PCDH7: variants seen among roughly 807,000 people sequenced by gnomAD.
PCDH7 encodes the protein protocadherin 7.
In PCDH7, 17 loss-of-function variants were observed where a neutral mutation model predicts 58.9. The ratio of observed to expected loss-of-function variants is 0.29; its 90% CI spans 0.20 to 0.43. The LOEUF is 0.43. Ranked by LOEUF, PCDH7 falls within the 20% of genes least tolerant of loss-of-function variation. PCDH7 has a pLI of 1.00. For missense variants in PCDH7, 1,274 were observed against 1,441.0 expected (o/e 0.88, Z 1.88); for synonymous variants, 664 against 616.4 (o/e 1.08, Z -1.14).
chr4:30,999,594 G>A (rs1235149139), intron 3 of PCDH7, among the ~76,000 whole-genome samples: 1 of 152,072 alleles, frequency 6.6e-6, no homozygotes, highest in African/African-American at 2.4e-5. Context: ...GTTACTAAGG[G>A]AGTGCAGAAA....
chr4:31,127,298 A>C (rs1718425733), intron 3 of PCDH7, among the ~76,000 whole-genome samples: 1 of 152,162 alleles, frequency 6.6e-6, no homozygotes, highest in African/African-American at 2.4e-5. Context: ...CATTCTAATT[A>C]CACTCCTGAT....
chr4:31,027,715 C>T (rs985485863), intron 3 of PCDH7, among the ~76,000 whole-genome samples: 5 of 152,256 alleles, frequency 3.3e-5, no homozygotes, highest in Middle Eastern at 6.8e-3. Context: ...GCTACTGCAC[C>T]CAGCCTGTAT....
At chr4:30,876,318 G>T (rs1414535254) in intron 1 of PCDH7, among the ~76,000 whole-genome samples, 1 of 151,332 alleles carries the variant, frequency 6.6e-6, no homozygotes, top group Non-Finnish European at 1.5e-5. Flanking sequence ...ATTTATTTGG[G>T]GCTTAACGTA....
chr4:30,739,889 T>A (rs1716841783), intron 1 of PCDH7, among the ~76,000 whole-genome samples: 1 of 152,196 alleles, frequency 6.6e-6, no homozygotes, highest in Non-Finnish European at 1.5e-5. Context: ...TCAGTTTTAG[T>A]GTTGTAATAT....
chr4:30,803,650 G>A (rs909964611), intron 1 of PCDH7, among the ~76,000 whole-genome samples: 2 of 152,276 alleles, frequency 1.3e-5, no homozygotes, highest in South Asian at 4.2e-4. Flanking sequence ...TGTTACCCAG[G>A]CTGGCCTTGA....
intron 3 of PCDH7, among the ~76,000 whole-genome samples, chr4:31,112,989 C>G (rs948211337): frequency 2.0e-5 from 3 of 152,098 alleles, no homozygotes; most frequent in African/African-American, 7.2e-5. Flanking sequence ...TAGATGAAAG[C>G]TGATTCATTT....
chr4:30,973,941 C>T (rs935652366), intron 3 of PCDH7, among the ~76,000 whole-genome samples: 6 of 151,792 alleles, frequency 4.0e-5, no homozygotes, highest in Admixed American at 6.6e-5. Flanking sequence ...AAAAACTAAA[C>T]TTTAAAAAAT....
intron 3 of PCDH7, among the ~76,000 whole-genome samples, chr4:31,016,025 G>A (rs1753576083): frequency 6.6e-6 from 1 of 152,184 alleles, no homozygotes; most frequent in African/African-American, 2.4e-5. Context: ...AATGGCGGAT[G>A]AGTTTAATAT....
At chr4:31,052,611 A>G (rs1756845888) in intron 3 of PCDH7, among the ~76,000 whole-genome samples, 5 of 152,188 alleles carry the variant, frequency 3.3e-5, no homozygotes, top group Admixed American at 3.3e-4. Flanking sequence ...AAATAAAAAT[A>G]TAGTAAGTGA....
At chr4:31,077,306 G>A (rs1759082898) in intron 3 of PCDH7, among the ~76,000 whole-genome samples, 1 of 151,664 alleles carries the variant, frequency 6.6e-6, no homozygotes, top group South Asian at 2.1e-4. Context: ...CTACTCAGGA[G>A]GCTGAGGCAA....
At chr4:30,735,363 G>T (rs909895791), downstream of PCDH7, among the ~76,000 whole-genome samples, 2 of 152,108 alleles carry the variant, frequency 1.3e-5, no homozygotes, top group African/African-American at 4.8e-5. Flanking sequence ...GTGAGGCGGG[G>T]CATATCTTGG....
chr4:30,848,068 T>C (rs1261610556), intron 1 of PCDH7, among the ~76,000 whole-genome samples: 2 of 152,204 alleles, frequency 1.3e-5, no homozygotes, highest in African/African-American at 2.4e-5. Context: ...GGATTATTTA[T>C]GTAAATGGAT....
intron 3 of PCDH7, among the ~76,000 whole-genome samples, chr4:31,038,375 T>C (rs1489779946): frequency 1.3e-5 from 2 of 152,166 alleles, no homozygotes; most frequent in African/African-American, 2.4e-5. Flanking sequence ...TTTATTGAAA[T>C]ATACTATTAG....
At chr4:31,095,256 G>A (rs1713810578) in intron 3 of PCDH7, among the ~76,000 whole-genome samples, 1 of 151,832 alleles carries the variant, frequency 6.6e-6, no homozygotes, top group African/African-American at 2.4e-5. Flanking sequence ...ATATTTCTTT[G>A]ATCTAGTGAG....
chr4:30,920,938 G>A (rs1743112465), intron 2 of PCDH7, among the ~76,000 whole-genome samples: 2 of 151,130 alleles, frequency 1.3e-5, no homozygotes, highest in South Asian at 4.2e-4. Flanking sequence ...CAAGTATAAG[G>A]TTTTTTTTTA....
chr4:30,754,757 A>T (rs967834741), intron 1 of PCDH7, among the ~76,000 whole-genome samples: 1 of 29,846 alleles, frequency 3.4e-5, no homozygotes, highest in Admixed American at 5.4e-4. Context: ...TTAGAAACTT[A>T]TATGTACTTT....
At chr4:30,922,634 C>T (rs933748000) in intron 2 of PCDH7, among the ~76,000 whole-genome samples, 4 of 152,138 alleles carry the variant, frequency 2.6e-5, no homozygotes, top group Non-Finnish European at 4.4e-5. Context: ...TTCCAAAAAA[C>T]GACTTTTAAT....
chr4:30,722,188 A>C lies in PCDH7; in HGVS notation c.766A>C (p.Lys256Gln). 6.4e-7 allele frequency: 1 copy of C among 1,565,576 alleles called. No homozygotes were observed. Among genetic ancestry groups the C allele is most frequent in the South Asian group, 1.2e-5 (1 of 86,050 alleles). ...GGTGGCGGACACCCCGGACGGCGAGAAGCAGCCGCAGCTGATCGTGAAGGG... is the reference window on the plus strand; with the variant it reads ...GGTGGCGGACACCCCGGACGGCGAGCAGCAGCCGCAGCTGATCGTGAAGGG... The change falls in exon 1 of 2, where the codon AAG becomes CAG. Residue 256 changes from lysine (K) to glutamine (Q), a missense_variant. This residue lies in a region of PCDH7 where 331 missense variants were observed against 303.2 expected (regional missense o/e 1.09). Transcript: ENST00000361762. This position sits in a 1 kb window ranked among gnomAD's most constrained non-coding sequence, Gnocchi z 7.6.
intron 1 of PCDH7, among the ~76,000 whole-genome samples, chr4:30,770,203 A>G (rs535104821): frequency 1.5e-3 from 226 of 152,314 alleles, no homozygotes; most frequent in African/African-American, 5.3e-3. Flanking sequence ...TTCATGCTCT[A>G]TTTTCAAACA....
Sources: gnomAD v4.1 joint callset for allele counts (sites outside exome capture counted in the v4.1 genomes callset) on GRCh38, gnomAD v4.1.1 for gene constraint, gnomAD v4.1.1 regional missense constraint, Gnocchi (gnomAD v3.1) non-coding constraint, MANE v1.5 for transcripts, NCBI Gene and HGNC (gene_info 2026-07-23, HGNC 2026-07-21) for gene names.